Variants in MTMR14 observed in about 807,000 individuals in gnomAD.
MTMR14 encodes phosphatidylinositol-3,5-bisphosphate 3-phosphatase MTMR14.
MTMR14 carries 48 observed loss-of-function variants against 86.3 expected under a neutral mutation model. The ratio of observed to expected loss-of-function variants is 0.56; its 90% CI spans 0.44 to 0.71. The LOEUF (loss-of-function observed/expected upper bound fraction) is 0.71, where lower values mean the gene tolerates loss of function less well. MTMR14 is among the 30% of genes least tolerant of loss of function. MTMR14 has a pLI of 0.00. For synonymous variants in MTMR14, 366 were observed against 326.1 expected (o/e 1.12, Z -1.32); for missense variants, 780 against 834.6 (o/e 0.93, Z 0.81).
At chr3:9,659,069 A>C (rs1393128560) in intron 2 of MTMR14, among the ~76,000 whole-genome samples, 1 of 152,180 alleles carries the variant, frequency 6.6e-6, no homozygotes, top group Non-Finnish European at 1.5e-5. Context: ...CCTTGTCACT[A>C]CAAAAAATAC....
chr3:9,666,696 C>G (rs143826448), intron 3 of MTMR14, among the ~76,000 whole-genome samples: 2 of 152,284 alleles, frequency 1.3e-5, no homozygotes, highest in African/African-American at 4.8e-5. Context: ...TGGAACAATT[C>G]ATCTTTCTTT....
intron 11 of MTMR14, 93 bp from the exon 12 acceptor site, chr3:9,684,795 G>A (rs1015498850): frequency 5.8e-6 from 9 of 1,543,420 alleles, no homozygotes; most frequent in Middle Eastern, 3.4e-4. Flanking sequence ...CCTTCCGGGT[G>A]TTCTTCAGCC....
chr3:9,670,593 T>C lies in MTMR14; in HGVS notation c.555-455T>C, dbSNP rs529158007. On this transcript the variant is annotated intron_variant, in intron 5 of 18. Coordinates refer to ENST00000296003, the MANE Select transcript of MTMR14 (RefSeq NM_001077525.3). ...AGTTGATAAAATAGCTCTAAAAACT[T>C]TATCTGTACAAGTATTTCAGACTGC... 3.3e-5 allele frequency among the ~76,000 whole-genome samples: 5 copies of C among 152,190 alleles called. No homozygotes were observed. The South Asian group carries it at 1.0e-3, about 32-fold the overall frequency.
intron 17 of MTMR14, among the ~76,000 whole-genome samples, chr3:9,692,184 CTG>C (rs1416066125): frequency 6.6e-6 from 1 of 152,184 alleles, no homozygotes; most frequent in Non-Finnish European, 1.5e-5. Context: ...GTGAAGCTGT[CTG>C]TGACAGCCAA....
At chr3:9,690,355 T>C (rs1353904715) in intron 17 of MTMR14, among the ~76,000 whole-genome samples, 1 of 152,234 alleles carries the variant, frequency 6.6e-6, no homozygotes, top group East Asian at 1.9e-4. Context: ...CCTAGCATAA[T>C]GCAGGGGAAC....
Position 9,653,549 on chromosome 3 carries a change from C to A in MTMR14, c.160-72C>A, listed in dbSNP as rs147913681. The A allele has an allele frequency of 1.3e-5, 21 of 1,594,520 alleles. No individual in the cohort carries two copies. The East Asian group carries it at 4.7e-4, about 36-fold the overall frequency. On this transcript the variant is annotated intron_variant, in intron 1 of 18. Coordinates refer to ENST00000296003, the MANE Select transcript of MTMR14 (RefSeq NM_001077525.3). ...ATGTCTTTCCCAGTGACCTCTTAGGCCATGGACCTCCTAATTCTCACCCTC... is the reference window on the plus strand; with the variant it reads ...ATGTCTTTCCCAGTGACCTCTTAGGACATGGACCTCCTAATTCTCACCCTC...
chr3:9,672,902 C>T (rs1335080363), intron 7 of MTMR14, 144 bp downstream of exon 7: 1 of 769,836 alleles, frequency 1.3e-6, no homozygotes, highest in Non-Finnish European at 2.3e-6. Flanking sequence ...TTTTGGTTCC[C>T]AGTCACAGGC....
At chr3:9,661,654 G>A (rs1002198942) in intron 2 of MTMR14, among the ~76,000 whole-genome samples, 7 of 152,074 alleles carry the variant, frequency 4.6e-5, no homozygotes, top group Non-Finnish European at 7.4e-5. Context: ...TTAAAAATTG[G>A]ACACCCTAGA....
At chr3:9,686,015 C>T (rs2125286112) in intron 13 of MTMR14, among the ~76,000 whole-genome samples, 2 of 152,246 alleles carry the variant, frequency 1.3e-5, no homozygotes, top group South Asian at 4.1e-4. Context: ...AGCTCCTTCT[C>T]TTTGGCCCCC....
At position 9,689,952 on chromosome 3, in the gene MTMR14, C is replaced by T; in HGVS notation, c.1434-12C>T. 2 of 1,606,818 alleles carry T rather than the reference C, an allele frequency of 1.2e-6. No homozygotes were observed. Among genetic ancestry groups the T allele is most frequent in the Non-Finnish European group, 1.7e-6 (2 of 1,177,540 alleles). On this transcript the variant is annotated splice_polypyrimidine_tract_variant and intron_variant, in intron 16 of 18. Transcript: ENST00000296003. The stretch of plus-strand genomic sequence containing the variant: ...TGGCCCCCGGCTCACAGCCCTGCTC[C>T]TTCCACTGCAGGAGGAAGAGCCACT...
At chr3:9,670,897 A>G in intron 5 of MTMR14, 151 bp from the exon 6 acceptor site, 1 of 915,196 alleles carries the variant, frequency 1.1e-6, no homozygotes, top group Non-Finnish European at 1.8e-6. Context: ...CGCTGAAATC[A>G]GTTGTCCTGT....
Position 9,684,602 on chromosome 3 carries a change from G to A in MTMR14, c.982G>A (p.Val328Ile), listed in dbSNP as rs554193454. The A allele has an allele frequency of 1.5e-5, 24 of 1,614,100 alleles. 1 individual carries two copies. In the African/African-American group the frequency reaches 2.9e-4, roughly 20 times the overall value. ...CTGAGTAGATGACAGCGGGCTGCTGGTACACTGTATCTCAGGCTGGGATCG... is the reference window on the plus strand; with the variant it reads ...CTGAGTAGATGACAGCGGGCTGCTGATACACTGTATCTCAGGCTGGGATCG... Reference protein sequence around the residue: ...VNSDDDSGLLVHCISGWDRTP... With the variant: ...VNSDDDSGLLIHCISGWDRTP... The change falls in exon 11 of 19, where the codon GTA becomes ATA. Residue 328 changes from valine to isoleucine, a missense_variant. Val to Ile is a conservative substitution (Grantham distance 29, BLOSUM62 3). Transcript: ENST00000296003.
chr3:9,675,555 A>C (rs1422779251), intron 7 of MTMR14: 1 of 456,984 alleles, frequency 2.2e-6, no homozygotes, highest in Non-Finnish European at 4.4e-6. Flanking sequence ...ACCAAAATAG[A>C]TGGTCCCAAA....
chr3:9,682,982 G>A (rs1286278867), intron 9 of MTMR14, among the ~76,000 whole-genome samples, 196 bp from the exon 10 acceptor site: 1 of 152,004 alleles, frequency 6.6e-6, no homozygotes, highest in African/African-American at 2.4e-5. Flanking sequence ...AGGCTGAGTG[G>A]TGGAGGGAGA....
intron 18 of MTMR14, among the ~76,000 whole-genome samples, chr3:9,698,536 C>T (rs1286478121): frequency 6.6e-6 from 1 of 152,234 alleles, no homozygotes; most frequent in East Asian, 1.9e-4. Flanking sequence ...AGCTGTGGTG[C>T]CTGAGGGCCT....
intron 2 of MTMR14, among the ~76,000 whole-genome samples, chr3:9,656,157 T>C (rs372233773): frequency 1.3e-5 from 2 of 151,756 alleles, no homozygotes; most frequent in African/African-American, 4.8e-5. Context: ...ATCGAACCAC[T>C]GCATTCCAGC....
At chr3:9,697,630 T>C in intron 17 of MTMR14, 81 bp from the exon 18 acceptor site, 1 of 1,518,976 alleles carries the variant, frequency 6.6e-7, no homozygotes, top group Non-Finnish European at 9.0e-7. Context: ...AGGGCTGCGC[T>C]AGTCCCCTAG....
chr3:9,659,560 C>G (rs2047801481), intron 2 of MTMR14: 1 of 369,502 alleles, frequency 2.7e-6, no homozygotes, highest in African/African-American at 2.1e-5. Flanking sequence ...TCTCCTGCCT[C>G]AGCCTCCCGA....
At chr3:9,688,559 C>G (rs1262703297) in intron 14 of MTMR14, 137 bp from the exon 15 acceptor site, 1 of 944,634 alleles carries the variant, frequency 1.1e-6, no homozygotes, top group Non-Finnish European at 1.7e-6. Flanking sequence ...TGTCTTATAA[C>G]ACTCCCTAGG....
Sources: gnomAD v4.1 joint callset for allele counts (sites outside exome capture counted in the v4.1 genomes callset) on GRCh38, gnomAD v4.1.1 for gene constraint, MANE v1.5 for transcripts, NCBI Gene and HGNC (gene_info 2026-07-23, HGNC 2026-07-21) for gene names.